The following PLEKHG1 variants were observed in gnomAD, a reference collection of about 807,000 sequenced individuals.
The protein encoded by PLEKHG1 is pleckstrin homology and RhoGEF domain containing G1.
A neutral mutation model predicts 100.8 loss-of-function variants in PLEKHG1; 44 were observed. The observed-to-expected ratio is 0.44, with a 90% CI of 0.34 to 0.56. The LOEUF is 0.56. Ranked by LOEUF, PLEKHG1 falls within the 20% of genes least tolerant of loss-of-function variation. PLEKHG1 has a pLI of 0.01. For synonymous variants in PLEKHG1, 640 were observed against 662.5 expected (o/e 0.97, Z 0.52); for missense variants, 1,545 against 1,720.9 (o/e 0.90, Z 1.81).
chr6:150,645,938 G>T (rs1362972509), intron 2 of PLEKHG1, among the ~76,000 whole-genome samples: 10 of 152,138 alleles, frequency 6.6e-5, no homozygotes, highest in African/African-American at 2.4e-4. Context: ...GTACAACATT[G>T]CTTTTAGTAG....
At chr6:150,821,712 A>C (rs978866731) in intron 13 of PLEKHG1, among the ~76,000 whole-genome samples, 1 of 152,060 alleles carries the variant, frequency 6.6e-6, no homozygotes, top group African/African-American at 2.4e-5. Context: ...AATTTAAAAT[A>C]AAATATACAG....
rs750539673 is a variant in PLEKHG1, at chr6:150,786,248, T to C, written c.513-142T>C. On this transcript the variant is annotated intron_variant, in intron 3 of 15. Coordinates refer to ENST00000358517, the Ensembl canonical transcript of PLEKHG1. ...GCAAGTCCCTTACCTAAGCCTTGGA[T>C]ACAATGACAGCAGATCCTCAGTTAT... 2.3e-4 allele frequency: 145 copies of C among 639,284 alleles called. No individual in the cohort carries two copies. In the Middle Eastern group the frequency reaches 4.0e-3, roughly 18 times the overall value. The allele number at this position is 639,284 out of a possible 1,614,324, so 39.6% of individuals were successfully genotyped here. A position where few individuals can be genotyped will look rare whatever the true frequency, so the allele number is the denominator to read the frequency against.
At chr6:150,614,793 TG>T (rs1398188063) in intron 1 of PLEKHG1, among the ~76,000 whole-genome samples, 24 of 152,230 alleles carry the variant, frequency 1.6e-4, no homozygotes, top group African/African-American at 5.3e-4. Context: ...GTCTTACTTC[TG>T]GTCAGTGCAC....
At chr6:150,828,267 T>C (rs1776724875) in intron 14 of PLEKHG1, 1 of 1,613,186 alleles carries the variant, frequency 6.2e-7, no homozygotes, top group Non-Finnish European at 8.5e-7. Flanking sequence ...TGTCTGAATC[T>C]GGAGCAATTA....
intron 3 of PLEKHG1, among the ~76,000 whole-genome samples, chr6:150,681,159 C>T (rs553654410): frequency 1.3e-5 from 2 of 152,228 alleles, no homozygotes; most frequent in Non-Finnish European, 2.9e-5. Context: ...AGCGAGTGGT[C>T]GGGTGAATTT....
intron 1 of PLEKHG1, among the ~76,000 whole-genome samples, chr6:150,724,435 A>G (rs557262860): frequency 6.6e-6 from 1 of 152,354 alleles, no homozygotes; most frequent in Admixed American, 6.5e-5. Context: ...GGGTGCCCCA[A>G]ATAATTTCCT....
intron 3 of PLEKHG1, among the ~76,000 whole-genome samples, chr6:150,779,018 A>G (rs2128646317): frequency 6.6e-6 from 1 of 152,340 alleles, no homozygotes; most frequent in South Asian, 2.1e-4. Context: ...AAGAGAGTGC[A>G]GGACTGGGAT....
chr6:150,797,216 C>T (rs1310480073), intron 5 of PLEKHG1, among the ~76,000 whole-genome samples: 1 of 152,144 alleles, frequency 6.6e-6, no homozygotes, highest in Non-Finnish European at 1.5e-5. Context: ...TGTAGCCAGT[C>T]TTGGTAGACA....
At chr6:150,809,828 C>A in intron 10 of PLEKHG1, 94 bp downstream of exon 11, 5 of 798,702 alleles carry the variant, frequency 6.3e-6, no homozygotes, top group Non-Finnish European at 1.0e-5. Flanking sequence ...GAGATCACAT[C>A]ATTGAACTCC....
chr6:150,606,739 G>T (rs554876262), intron 1 of PLEKHG1, among the ~76,000 whole-genome samples: 4 of 152,116 alleles, frequency 2.6e-5, no homozygotes, highest in Non-Finnish European at 5.9e-5. Context: ...GGCTATTTCT[G>T]GCTGTAATCA....
At chr6:150,651,796 T>C (rs1372072512) in intron 3 of PLEKHG1, 1 of 152,104 alleles carries the variant, frequency 6.6e-6, no homozygotes, top group Non-Finnish European at 1.5e-5. Flanking sequence ...GCGGCAGACG[T>C]TGCAGTGAGC....
Position 150,600,833 on chromosome 6 carries a change from G to A in PLEKHG1, c.-204+816G>A, listed in dbSNP as rs986718708. The A allele has an allele frequency of 1.3e-5, 2 of 152,198 alleles. No individual in the cohort carries two copies. Among genetic ancestry groups the A allele is most frequent in the Non-Finnish European group, 2.9e-5 (2 of 68,046 alleles). 9.4% of individuals were successfully genotyped at this position (152,198 alleles called of 1,614,324 possible). A position where few individuals can be genotyped will look rare whatever the true frequency, so the allele number is the denominator to read the frequency against. On this transcript the variant is annotated intron_variant, in intron 1 of 3. Transcript: ENST00000367326. The surrounding 1 kb of genome is among the most constrained non-coding windows in gnomAD (Gnocchi z 6.2). ...GGCTGGTCAATTCATTCCGCTCCTC[G>A]GAAACAATGAGCTGGATCCTTGACT...
exon 2 of PLEKHG1, chr6:150,733,846 G>A: frequency 1.2e-6 from 2 of 1,614,216 alleles, no homozygotes; most frequent in African/African-American, 2.7e-5. Flanking sequence ...TAAAACTGGA[G>A]CTGATTCCTG....
rs542627813 is a variant in PLEKHG1 at position 150,715,977 on chromosome 6, G to A, written c.-98-17607G>A. 1.3e-3 allele frequency among the ~76,000 whole-genome samples: 188 copies of A among 148,754 alleles called. 1 individual carries two copies. Among genetic ancestry groups the A allele is most frequent in the Middle Eastern group, 0.01 (3 of 294 alleles). ...CAAAAAATTAGCCGGGCGTGGTGGC[G>A]GGCGCCTGTAGTCCCAGCTACTCGG... On this transcript the variant is annotated intron_variant, in intron 3 of 3. Coordinates refer to the PLEKHG1 transcript ENST00000367326.
At chr6:150,819,116 A>AT (rs56049606) in intron 11 of PLEKHG1, among the ~76,000 whole-genome samples, 6,073 of 133,012 alleles carry the variant, frequency 0.046, 404 homozygotes, top group African/African-American at 0.15. Context: ...TTGCCTTCGG[A>AT]TTTTTTTTTT....
chr6:150,637,520 T>C (rs1775556339), intron 1 of PLEKHG1, among the ~76,000 whole-genome samples: 2 of 152,202 alleles, frequency 1.3e-5, no homozygotes, highest in Admixed American at 1.3e-4. Flanking sequence ...TTATTGCATG[T>C]TTGAAAATGT....
chr6:150,673,147 G>A lies in PLEKHG1; in HGVS notation c.-99+22361G>A, dbSNP rs562466834. On this transcript the variant is annotated intron_variant, in intron 3 of 3. Coordinates refer to the PLEKHG1 transcript ENST00000367326. ...AGGTCTGGGAATAGAATTTTGGCAT[G>A]TATCTGCAGTTCTTATGCCATAGAA... Among the ~76,000 whole-genome samples the A allele has an allele frequency of 2.6e-5, 4 of 152,250 alleles. No homozygotes were observed. The South Asian group carries it at 8.3e-4, about 32-fold the overall frequency.
At chr6:150,614,930 T>C (rs1488258414) in intron 1 of PLEKHG1, among the ~76,000 whole-genome samples, 1 of 152,234 alleles carries the variant, frequency 6.6e-6, no homozygotes, top group Non-Finnish European at 1.5e-5. Flanking sequence ...GATTTTATGC[T>C]ATCCTGTAGG....
intron 1 of PLEKHG1, among the ~76,000 whole-genome samples, chr6:150,722,353 T>A (rs1319196499): frequency 7.8e-5 from 9 of 115,432 alleles, no homozygotes; most frequent in African/African-American, 2.8e-4. Context: ...TCTTTTCTTT[T>A]TTTTTTTTTT....
Sources: allele counts gnomAD v4.1 joint callset (sites outside exome capture counted in the v4.1 genomes callset), GRCh38; gene constraint gnomAD v4.1.1; non-coding constraint Gnocchi (gnomAD v3.1); transcripts MANE v1.5; gene names NCBI Gene and HGNC (gene_info 2026-07-23, HGNC 2026-07-21).